RAPGEF1: variants seen among roughly 807,000 people sequenced by gnomAD.
The protein encoded by RAPGEF1 is Rap guanine nucleotide exchange factor 1.
RAPGEF1 carries 33 observed loss-of-function variants against 143.3 expected under a neutral mutation model. The observed-to-expected ratio is 0.23, with a 90% CI of 0.17 to 0.31. The LOEUF is 0.31. Among genes scored for constraint, RAPGEF1 ranks in the 10% least tolerant of loss-of-function variants. The pLI is 1.00. For synonymous variants in RAPGEF1, 629 were observed against 676.5 expected, an observed-to-expected ratio of 0.93 and a Z score of 1.09; for missense variants, 1,199 against 1,645.4, an observed-to-expected ratio of 0.73 and a Z score of 4.69.
chr9:131,619,317 A>G (rs1464350643), intron 11 of RAPGEF1, 111 bp from the exon 12 acceptor site: 1 of 966,436 alleles, frequency 1.0e-6, no homozygotes, highest in Non-Finnish European at 1.4e-6. Flanking sequence ...ATCCTCTAAC[A>G]GACGTTCTGG....
Position 131,637,873 on chromosome 9 carries a change from G to C in RAPGEF1, c.651+762C>G, listed in dbSNP as rs1966788813. Among the ~76,000 whole-genome samples the C allele has an allele frequency of 2.0e-5, 3 of 152,236 alleles. No homozygotes were observed. The South Asian group carries it at 6.2e-4, about 31-fold the overall frequency. On this transcript the variant is annotated intron_variant, in intron 5 of 26. Coordinates refer to ENST00000683357, the MANE Select transcript of RAPGEF1 (RefSeq NM_001377935.1). ...ACTGTTCAAGTTCATAGACTACGAA[G>C]TGGTGAACTTGGGATTCAAATCTAG...
chr9:131,648,681 A>G (rs1041126525), intron 3 of RAPGEF1, among the ~76,000 whole-genome samples: 8 of 152,250 alleles, frequency 5.3e-5, no homozygotes, highest in African/African-American at 1.9e-4. Context: ...ATTTAGATCA[A>G]TCTGGCAAAC....
chr9:131,658,342 GTCC>G (rs1423193510), intron 1 of RAPGEF1, among the ~76,000 whole-genome samples: 4 of 152,140 alleles, frequency 2.6e-5, no homozygotes, highest in Non-Finnish European at 5.9e-5. Flanking sequence ...GGACACAAAA[GTCC>G]TCCTTCACCT....
chr9:131,623,664 C>T (rs1165358845), intron 10 of RAPGEF1, among the ~76,000 whole-genome samples: 1 of 152,198 alleles, frequency 6.6e-6, no homozygotes, highest in African/African-American at 2.4e-5. Flanking sequence ...TGGGAAGGTT[C>T]AGCCGCCAGT....
Position 131,585,961 on chromosome 9 carries a change from C to T in RAPGEF1, c.3234-1365G>A, listed in dbSNP as rs563255291. On this transcript the variant is annotated intron_variant, in intron 22 of 26. Coordinates refer to ENST00000683357, the MANE Select transcript of RAPGEF1 (RefSeq NM_001377935.1). ...TTGGGAGGCTGAGGTGGGTGGATCACGAGGCCAGGAGGTTGAGACCACCCT... is the reference window on the plus strand; with the variant it reads ...TTGGGAGGCTGAGGTGGGTGGATCATGAGGCCAGGAGGTTGAGACCACCCT... Among the ~76,000 whole-genome samples the T allele has an allele frequency of 1.3e-3, 192 of 152,210 alleles. 2 individuals carry two copies. The South Asian group carries it at 0.015, about 12-fold the overall frequency.
chr9:131,612,024 T>G (rs60289471), intron 12 of RAPGEF1, among the ~76,000 whole-genome samples: 7,676 of 152,220 alleles, frequency 0.05, 558 homozygotes, highest in African/African-American at 0.16. Flanking sequence ...AGTGAACCAT[T>G]TGATCACAGA....
At chr9:131,716,347 G>A (rs1010879534) in intron 1 of RAPGEF1, among the ~76,000 whole-genome samples, 1 of 152,252 alleles carries the variant, frequency 6.6e-6, no homozygotes, top group Non-Finnish European at 1.5e-5. Context: ...TGAAGAAGCT[G>A]TTTACTTGTT....
chr9:131,636,076 G>T (rs1197675977), intron 5 of RAPGEF1, among the ~76,000 whole-genome samples: 1 of 152,118 alleles, frequency 6.6e-6, no homozygotes, highest in Non-Finnish European at 1.5e-5. Flanking sequence ...AAGCGTCTCT[G>T]ACCACCCTGA....
In RAPGEF1 at chr9:131,626,195, T is replaced by G; in HGVS notation, c.1429A>C (p.Lys477Gln). The G allele has an allele frequency of 6.2e-7, 1 of 1,613,804 alleles. No individual in the cohort carries two copies. Among genetic ancestry groups the G allele is most frequent in the Non-Finnish European group, 8.5e-7 (1 of 1,179,816 alleles). ...GTCTGGGAGGCTGCGCTCCTGCGCT[T>G]CTTCTCGGGGAGAGCAGGTGGCGTA... ...TDTPPALPEK[K>Q]RRSAASQTAD... Residue 477 changes from lysine to glutamine, a missense_variant, in exon 10 of 27, where the codon AAG (lysine) becomes CAG (glutamine). This residue lies in a region of RAPGEF1 where 613 missense variants were observed against 710.9 expected (regional missense o/e 0.86). Coordinates refer to ENST00000683357, the MANE Select transcript of RAPGEF1 (RefSeq NM_001377935.1).
In RAPGEF1 at chr9:131,584,933, G is replaced by T. The variant is rs1057134881; in HGVS notation, c.3234-337C>A. Among the ~76,000 whole-genome samples the T allele has an allele frequency of 6.6e-6, 1 of 152,240 alleles. No individual in the cohort carries two copies. Among genetic ancestry groups the T allele is most frequent in the African/African-American group, 2.4e-5 (1 of 41,456 alleles). ...CAAGCATGGGCCCCAAGTACCAGGG[G>T]GCTGGGCAAGTTCCTTGTGTGATGC... is the stretch of plus-strand genomic sequence containing the variant. On this transcript the variant is annotated intron_variant, in intron 22 of 26. Transcript: ENST00000683357. This position sits in a 1 kb window ranked among gnomAD's most constrained non-coding sequence, Gnocchi z 6.8.
chr9:131,690,036 C>T (rs1833670110), intron 1 of RAPGEF1, among the ~76,000 whole-genome samples: 1 of 152,000 alleles, frequency 6.6e-6, no homozygotes, highest in South Asian at 2.1e-4. Context: ...ATGAAAAAAA[C>T]TGTATTAGGG....
intron 1 of RAPGEF1, among the ~76,000 whole-genome samples, chr9:131,706,202 G>T (rs1835043153): frequency 6.6e-6 from 1 of 151,848 alleles, no homozygotes; most frequent in African/African-American, 2.4e-5. Context: ...CACCCACCAA[G>T]ATTTCACAAC....
At chr9:131,665,423 G>A (rs944957898) in intron 1 of RAPGEF1, among the ~76,000 whole-genome samples, 2 of 152,010 alleles carry the variant, frequency 1.3e-5, no homozygotes, top group Non-Finnish European at 2.9e-5. Context: ...CCTGCACCAC[G>A]GTCAGCCTGC....
chr9:131,598,715 C>A (rs771744992), intron 15 of RAPGEF1, among the ~76,000 whole-genome samples: 1 of 152,178 alleles, frequency 6.6e-6, no homozygotes, highest in Non-Finnish European at 1.5e-5. Context: ...CTCCAAGGAC[C>A]GACTTGCCAC....
intron 3 of RAPGEF1, 98 bp from the exon 4 acceptor site, chr9:131,643,515 A>C: frequency 8.3e-7 from 1 of 1,207,758 alleles, no homozygotes; most frequent in Non-Finnish European, 1.1e-6. Context: ...CTTGAGATCG[A>C]TAGGAATGGA....
At chr9:131,648,909 C>T (rs958232591) in intron 3 of RAPGEF1, among the ~76,000 whole-genome samples, 6 of 152,158 alleles carry the variant, frequency 3.9e-5, no homozygotes, top group South Asian at 2.1e-4. Flanking sequence ...TGTTTACCAG[C>T]GGCATTAAAT....
rs1440012540 is a variant in RAPGEF1 at position 131,739,896 on chromosome 9, C to A, written c.-66G>T. The stretch of plus-strand genomic sequence containing the variant: ...CGCCCGCCGCTCGCCTCGGCCCTGG[C>A]TCGCCACGCCTCAGACCCGCGCCGG... On this transcript the variant is annotated 5_prime_UTR_variant, in exon 1 of 27. Coordinates refer to ENST00000683357, the MANE Select transcript of RAPGEF1 (RefSeq NM_001377935.1). 1 of 914,286 alleles carries A rather than the reference C, an allele frequency of 1.1e-6. No individual in the cohort carries two copies. Among genetic ancestry groups the A allele is most frequent in the African/African-American group, 1.8e-5 (1 of 55,374 alleles). The allele number at this position is 914,286 out of a possible 1,614,324, so 56.6% of individuals were successfully genotyped here.
intron 11 of RAPGEF1, among the ~76,000 whole-genome samples, chr9:131,620,739 G>A (rs1160024650): frequency 6.6e-6 from 1 of 152,224 alleles, no homozygotes; most frequent in Non-Finnish European, 1.5e-5. Flanking sequence ...CTGAGTATAG[G>A]AAGGCTCAGG....
intron 1 of RAPGEF1, chr9:131,725,167 G>A (rs1328742699): frequency 6.6e-6 from 1 of 152,294 alleles, no homozygotes; most frequent in Non-Finnish European, 1.5e-5. Flanking sequence ...ATGAATGAAT[G>A]AGATGGGGGT....
Sources: gnomAD v4.1 joint callset for allele counts (sites outside exome capture counted in the v4.1 genomes callset) on GRCh38, gnomAD v4.1.1 for gene constraint, gnomAD v4.1.1 regional missense constraint, Gnocchi (gnomAD v3.1) non-coding constraint, MANE v1.5 for transcripts, NCBI Gene and HGNC (gene_info 2026-07-23, HGNC 2026-07-21) for gene names.